CDH12: variants seen among roughly 807,000 people sequenced by gnomAD.
The protein encoded by CDH12 is cadherin 12.
CDH12 carries 41 observed loss-of-function variants against 74.1 expected under a neutral mutation model. The ratio of observed to expected loss-of-function variants is 0.55; its 90% CI spans 0.43 to 0.72. CDH12 has a LOEUF of 0.72. CDH12 is among the 30% of genes least tolerant of loss of function. CDH12 has a pLI of 0.00. For missense variants in CDH12, 945 were observed against 977.2 expected (o/e 0.97, Z 0.44); for synonymous variants, 399 against 355.0 (o/e 1.12, Z -1.39).
At chr5:22,073,316 A>G (rs575174644) in intron 5 of CDH12, among the ~76,000 whole-genome samples, 1 of 152,134 alleles carries the variant, frequency 6.6e-6, no homozygotes, top group Non-Finnish European at 1.5e-5. Context: ...ATGACAACTC[A>G]ATTTCCTAAA....
intron 7 of CDH12, among the ~76,000 whole-genome samples, chr5:21,847,737 T>G (rs7444587): frequency 0.65 from 99,228 of 151,994 alleles, 35,643 homozygotes; most frequent in East Asian, 0.79. Context: ...GGTCCTGGGG[T>G]TTAGGACATG....
intron 9 of CDH12, among the ~76,000 whole-genome samples, chr5:21,810,750 A>G (rs1160627309): frequency 6.6e-6 from 1 of 151,048 alleles, no homozygotes; most frequent in Admixed American, 6.6e-5. Context: ...AACAGCATTC[A>G]TGTGTTTTTT....
chr5:22,685,492 T>C (rs1741734384), intron 1 of CDH12, among the ~76,000 whole-genome samples: 1 of 152,202 alleles, frequency 6.6e-6, no homozygotes, highest in South Asian at 2.1e-4. Flanking sequence ...TGCCTTGGCC[T>C]CCCAAAGTGC....
At chr5:21,815,254 A>G (rs1747978010) in intron 9 of CDH12, among the ~76,000 whole-genome samples, 1 of 152,162 alleles carries the variant, frequency 6.6e-6, no homozygotes, top group African/African-American at 2.4e-5. Flanking sequence ...AATAATTACA[A>G]TGAGTAAATG....
intron 7 of CDH12, among the ~76,000 whole-genome samples, chr5:21,853,232 G>A (rs1160168460): frequency 6.6e-6 from 1 of 151,446 alleles, no homozygotes; most frequent in African/African-American, 2.4e-5. Flanking sequence ...GTATGGTAAG[G>A]TGTAATTTTC....
At chr5:22,754,697 A>C (rs1259147536) in intron 1 of CDH12, among the ~76,000 whole-genome samples, 1 of 152,128 alleles carries the variant, frequency 6.6e-6, no homozygotes, top group East Asian at 1.9e-4. Flanking sequence ...GCAATACATG[A>C]GTCTGTAATG....
At chr5:22,667,388 G>A (rs1010123456) in intron 1 of CDH12, among the ~76,000 whole-genome samples, 5 of 152,266 alleles carry the variant, frequency 3.3e-5, no homozygotes, top group South Asian at 2.1e-4. Context: ...CACAGACAGG[G>A]TAGAATATTA....
At chr5:22,684,980 A>C (rs1238817775) in intron 1 of CDH12, among the ~76,000 whole-genome samples, 1 of 152,132 alleles carries the variant, frequency 6.6e-6, no homozygotes, top group Non-Finnish European at 1.5e-5. Flanking sequence ...GCAAAGGGGA[A>C]AATTTCTCCC....
intron 3 of CDH12, among the ~76,000 whole-genome samples, chr5:22,395,859 G>A (rs1742436023): frequency 6.6e-6 from 1 of 152,136 alleles, no homozygotes; most frequent in African/African-American, 2.4e-5. Context: ...CATACTCTCT[G>A]AGAACATTAA....
At chr5:22,280,559 G>T (rs151032178) in intron 3 of CDH12, among the ~76,000 whole-genome samples, 11,033 of 152,168 alleles carry the variant, frequency 0.073, 525 homozygotes, top group South Asian at 0.16. Context: ...CGATCCCACA[G>T]GAATACAAAC....
chr5:21,837,895 T>A (rs1749630631), intron 8 of CDH12, among the ~76,000 whole-genome samples: 1 of 152,078 alleles, frequency 6.6e-6, no homozygotes, highest in Non-Finnish European at 1.5e-5. Context: ...AGTGTTCATG[T>A]AATACAAGCA....
intron 1 of CDH12, among the ~76,000 whole-genome samples, chr5:22,688,889 A>G (rs1741943650): frequency 6.6e-6 from 1 of 152,186 alleles, no homozygotes; most frequent in Non-Finnish European, 1.5e-5. Context: ...TTAGGAAGAG[A>G]GTATTTTGAA....
At chr5:21,918,459 A>G (rs913780829) in intron 6 of CDH12, among the ~76,000 whole-genome samples, 3 of 152,196 alleles carry the variant, frequency 2.0e-5, no homozygotes, top group Admixed American at 1.3e-4. Flanking sequence ...GGTAATTTAT[A>G]AAGGAAAAAG....
intron 4 of CDH12, among the ~76,000 whole-genome samples, chr5:22,118,730 A>G (rs1358777396): frequency 6.6e-6 from 1 of 152,124 alleles, no homozygotes; most frequent in African/African-American, 2.4e-5. Context: ...AATTATGCAC[A>G]GACTTCCATT....
At chr5:21,919,560 C>A (rs1286186784) in intron 6 of CDH12, among the ~76,000 whole-genome samples, 2 of 152,030 alleles carry the variant, frequency 1.3e-5, no homozygotes, top group Admixed American at 6.6e-5. Context: ...ATTTCCTTTG[C>A]ACAGTCTGTC....
At chr5:22,186,026 T>C (rs1406063834) in intron 4 of CDH12, among the ~76,000 whole-genome samples, 2 of 152,230 alleles carry the variant, frequency 1.3e-5, no homozygotes, top group South Asian at 2.1e-4. Context: ...TGGTTCTAAG[T>C]ACACCTGACA....
At chr5:22,437,238 A>G (rs1166083159) in intron 2 of CDH12, among the ~76,000 whole-genome samples, 2 of 151,914 alleles carry the variant, frequency 1.3e-5, no homozygotes, top group African/African-American at 2.4e-5. Context: ...TATACTAAAT[A>G]TATCAAAATG....
intron 2 of CDH12, among the ~76,000 whole-genome samples, chr5:22,439,035 G>A (rs1744517565): frequency 6.6e-6 from 1 of 151,714 alleles, no homozygotes; most frequent in Admixed American, 6.6e-5. Context: ...ATTGGACATC[G>A]CTTGTGTCTA....
At chr5:22,568,169 C>T (rs1739379740) in intron 1 of CDH12, among the ~76,000 whole-genome samples, 2 of 152,062 alleles carry the variant, frequency 1.3e-5, no homozygotes, top group Admixed American at 1.3e-4. Context: ...TCTTTTAGGC[C>T]TTAGAATGCC....
Sources: allele counts gnomAD v4.1 joint callset (sites outside exome capture counted in the v4.1 genomes callset), GRCh38; gene constraint gnomAD v4.1.1; transcripts MANE v1.5; gene names NCBI Gene and HGNC (gene_info 2026-07-23, HGNC 2026-07-21).